Variants in UNC5D observed in about 807,000 individuals in gnomAD.
The protein encoded by UNC5D is unc-5 netrin receptor D, also known as netrin receptor UNC5D.
A neutral mutation model predicts 105.4 loss-of-function variants in UNC5D; 39 were observed. The ratio of observed to expected loss-of-function variants is 0.37; its 90% CI spans 0.29 to 0.48. The LOEUF (loss-of-function observed/expected upper bound fraction) is 0.48, where lower values mean the gene tolerates loss of function less well. Among genes scored for constraint, UNC5D ranks in the 20% least tolerant of loss-of-function variants. The pLI is 0.98. For missense variants in UNC5D, 991 were observed against 1,202.4 expected (o/e 0.82, Z 2.60); for synonymous variants, 452 against 450.4 (o/e 1.00, Z -0.04).
chr8:35,661,255 G>A (rs975777022), intron 4 of UNC5D, among the ~76,000 whole-genome samples: 4 of 152,064 alleles, frequency 2.6e-5, no homozygotes, highest in Admixed American at 6.5e-5. Context: ...TATTGGAAAG[G>A]GACTGGCATA....
At chr8:35,513,730 G>A (rs370270256) in intron 1 of UNC5D, among the ~76,000 whole-genome samples, 73 of 152,230 alleles carry the variant, frequency 4.8e-4, no homozygotes, top group African/African-American at 1.7e-3. Context: ...TTTGCTGAAT[G>A]TTCCAAACTC....
At chr8:35,548,667 G>A (rs187975395) in intron 1 of UNC5D, among the ~76,000 whole-genome samples, 197 of 152,312 alleles carry the variant, frequency 1.3e-3, no homozygotes, top group Non-Finnish European at 2.0e-3. Flanking sequence ...TCTCACCAGC[G>A]GAAGGTTGCT....
In UNC5D at chr8:35,453,457, G is replaced by A. The variant is rs1454583206; in HGVS notation, c.104-95835G>A. ...CAAATTTCTGGCAACCCCTGGTCAC[G>A]TCAATCTAAATGATTATTATTTGAG... On this transcript the variant is annotated intron_variant, in intron 1 of 16. Coordinates refer to ENST00000404895, the MANE Select transcript of UNC5D (RefSeq NM_080872.4). Among the ~76,000 whole-genome samples, 22 of 152,242 alleles carry A rather than the reference G, an allele frequency of 1.4e-4. No homozygotes were observed. In the East Asian group the frequency reaches 3.7e-3, roughly 25 times the overall value.
At chr8:35,765,800 C>T (rs955331413) in intron 14 of UNC5D, among the ~76,000 whole-genome samples, 4 of 152,162 alleles carry the variant, frequency 2.6e-5, no homozygotes, top group Non-Finnish European at 4.4e-5. Flanking sequence ...TCCAAACTTC[C>T]AGACTTGATA....
At chr8:35,677,370 A>C (rs1252167034) in intron 4 of UNC5D, among the ~76,000 whole-genome samples, 2 of 152,124 alleles carry the variant, frequency 1.3e-5, no homozygotes. Context: ...ACATGCAAGC[A>C]GTGCTCGTGG....
At chr8:35,573,245 C>T (rs1446622261) in intron 3 of UNC5D, among the ~76,000 whole-genome samples, 1 of 152,128 alleles carries the variant, frequency 6.6e-6, no homozygotes, top group East Asian at 1.9e-4. Flanking sequence ...CACCCAAATT[C>T]CTCATTTAAC....
At chr8:35,366,390 C>T (rs970313828) in intron 1 of UNC5D, among the ~76,000 whole-genome samples, 23 of 152,086 alleles carry the variant, frequency 1.5e-4, no homozygotes, top group Non-Finnish European at 2.6e-4. Flanking sequence ...AAACATAAGC[C>T]ACCTTATTTT....
At chr8:35,472,221 G>A (rs138095846) in intron 1 of UNC5D, among the ~76,000 whole-genome samples, 4 of 152,322 alleles carry the variant, frequency 2.6e-5, no homozygotes, top group African/African-American at 9.6e-5. Flanking sequence ...TCATGGTGAA[G>A]CAGAGTTGTG....
At chr8:35,270,393 A>C (rs1430885696) in intron 1 of UNC5D, among the ~76,000 whole-genome samples, 1 of 152,180 alleles carries the variant, frequency 6.6e-6, no homozygotes, top group African/African-American at 2.4e-5. Flanking sequence ...ATGTCCATCT[A>C]CTTTTCAGTG....
chr8:35,684,615 C>T lies in UNC5D; in HGVS notation c.785C>T (p.Ser262Leu), dbSNP rs1485358933. 6.2e-7 allele frequency: 1 copy of T among 1,613,304 alleles called. No individual in the cohort carries two copies. Among genetic ancestry groups the T allele is most frequent in the East Asian group, 2.2e-5 (1 of 44,862 alleles). Residue 262 changes from serine to leucine, a missense_variant, in exon 6 of 17, where the codon TCA becomes TTA. Physicochemically the swap from Ser to Leu is moderately radical, Grantham distance 145. Around this residue, in one of 3 missense-constraint regions of UNC5D, gnomAD observed 944 missense variants for 1,131.6 expected, o/e 0.83. Coordinates refer to ENST00000404895, the MANE Select transcript of UNC5D (RefSeq NM_080872.4). ...GGCTGGTCTTCCTGGACAGAGTGGT[C>T]AGCCTGCAATGTTCGCTGTGGTAGA... Reference protein sequence around the residue: ...NGGWSSWTEWSACNVRCGRGW... With the variant: ...NGGWSSWTEWLACNVRCGRGW...
chr8:35,454,620 G>A (rs959343708), intron 1 of UNC5D, among the ~76,000 whole-genome samples: 1 of 151,902 alleles, frequency 6.6e-6, no homozygotes, highest in African/African-American at 2.4e-5. Context: ...CCTTCCCACA[G>A]TTTACTTGTC....
At chr8:35,616,304 G>T (rs1821021444) in intron 4 of UNC5D, among the ~76,000 whole-genome samples, 1 of 152,224 alleles carries the variant, frequency 6.6e-6, no homozygotes, top group South Asian at 2.1e-4. Flanking sequence ...TGTGTGCTGA[G>T]CACCAGCAGA....
At chr8:35,368,293 C>G (rs1172137746) in intron 1 of UNC5D, among the ~76,000 whole-genome samples, 1 of 152,158 alleles carries the variant, frequency 6.6e-6, no homozygotes, top group Non-Finnish European at 1.5e-5. Flanking sequence ...CAATTACTGG[C>G]ATTTTGCAGT....
Position 35,684,668 on chromosome 8 carries a change from A to G in UNC5D, c.838A>G (p.Thr280Ala). Reference sequence around the variant, plus strand: ...ATGGCAGAAACGTTCCCGGACCTGCACCAACCCAGCTCCTCTCAATGGTGG... The same window carrying G: ...ATGGCAGAAACGTTCCCGGACCTGCGCCAACCCAGCTCCTCTCAATGGTGG... Reference protein sequence around the residue: ...RGWQKRSRTCTNPAPLNGGAF... With the variant: ...RGWQKRSRTCANPAPLNGGAF... Residue 280 changes from threonine (T) to alanine (A), a missense_variant, in exon 6 of 17, where the codon ACC becomes GCC. Coordinates refer to ENST00000404895, the MANE Select transcript of UNC5D (RefSeq NM_080872.4). The G allele has an allele frequency of 6.2e-7, 1 of 1,614,058 alleles. No individual in the cohort carries two copies. Among genetic ancestry groups the G allele is most frequent in the Non-Finnish European group, 8.5e-7 (1 of 1,179,998 alleles).
At chr8:35,335,143 A>G (rs1054300184) in intron 1 of UNC5D, among the ~76,000 whole-genome samples, 4 of 152,204 alleles carry the variant, frequency 2.6e-5, no homozygotes, top group African/African-American at 9.6e-5. Context: ...GCTGAATAGT[A>G]TATATTGTAT....
intron 1 of UNC5D, among the ~76,000 whole-genome samples, chr8:35,457,174 C>T (rs1808554305): frequency 6.6e-6 from 1 of 152,102 alleles, no homozygotes; most frequent in Non-Finnish European, 1.5e-5. Flanking sequence ...ACACTTAATT[C>T]TTCTCTTTCT....
chr8:35,477,975 G>A (rs1338471702), intron 1 of UNC5D, among the ~76,000 whole-genome samples: 1 of 152,054 alleles, frequency 6.6e-6, no homozygotes, highest in Admixed American at 6.6e-5. Context: ...TCCCATGCTA[G>A]GGAGCTGATA....
chr8:35,496,451 G>A (rs1811602045), intron 1 of UNC5D, among the ~76,000 whole-genome samples: 1 of 152,112 alleles, frequency 6.6e-6, no homozygotes, highest in Admixed American at 6.6e-5. Flanking sequence ...ACAGTGGCCA[G>A]GGAAAAGAGA....
At position 35,794,954 on chromosome 8, in the gene UNC5D, A is replaced by G. The variant is rs1037273118; in HGVS notation, c.*4391A>G. The G allele has an allele frequency of 6.6e-6, 1 of 152,206 alleles. No homozygotes were observed. The highest frequency in any genetic ancestry group is 1.5e-5 in the Non-Finnish European group (1 of 68,044). The allele number at this position is 152,206 out of a possible 1,614,324, so 9.4% of individuals were successfully genotyped here. ...AAGTAGGAAATTTAACTGACATAGA[A>G]TAATTGTGGTTTTTGAAGCAGCTAC... On this transcript the variant is annotated 3_prime_UTR_variant, in exon 17 of 17. Coordinates refer to ENST00000404895, the MANE Select transcript of UNC5D (RefSeq NM_080872.4).
Sources: allele counts gnomAD v4.1 joint callset (sites outside exome capture counted in the v4.1 genomes callset), GRCh38; gene constraint gnomAD v4.1.1; regional missense constraint gnomAD v4.1.1; transcripts MANE v1.5; gene names NCBI Gene and HGNC (gene_info 2026-07-23, HGNC 2026-07-21).